Variants in PHF6 observed in about 807,000 individuals in gnomAD.
PHF6 encodes PHD finger protein 6.
A neutral mutation model predicts 34.0 loss-of-function variants in PHF6; 7 were observed. The ratio of observed to expected loss-of-function variants is 0.21; its 90% CI spans 0.12 to 0.39. The LOEUF (loss-of-function observed/expected upper bound fraction) is 0.39, where lower values mean the gene tolerates loss of function less well. PHF6 is among the 10% of genes least tolerant of loss of function. The probability of loss-of-function intolerance (pLI) is 1.00; values close to 1 mark genes in which losing one functional copy is unlikely to be tolerated. For missense variants in PHF6, 128 were observed against 262.8 expected (o/e 0.49, Z 3.55); for synonymous variants, 89 against 88.4 (o/e 1.01, Z -0.04).
chrX:134,414,480 T>G (rs1426892104), intron 7 of PHF6, among the ~76,000 whole-genome samples: 1 of 111,761 alleles, frequency 8.9e-6, no homozygotes, highest in Non-Finnish European at 1.9e-5. Context: ...TATCTTTGAC[T>G]TAGATTGTAT....
At position 134,377,686 on chromosome X, in the gene PHF6, T is replaced by C. The variant is rs1231826518; in HGVS notation, c.69T>C (p.Asn23=). The change falls in exon 2 of 11, where the codon AAT becomes AAC. Residue 23 remains asparagine (N), a synonymous_variant. Transcript: ENST00000370803. ...GCAAATGTGGCTTTTGTAAGTCAAA[T>C]AGAGACAAGGAATGTGGACAGTTAC... ...RQRKCGFCKS[N]RDKECGQLLI... is the part of the protein sequence containing the mutation. 1.7e-6 allele frequency: 2 copies of C among 1,209,975 alleles called. No homozygotes were observed.
chrX:134,378,201 GTA>G lies in PHF6; in HGVS notation c.240+98_240+99del, dbSNP rs1445128031. On this transcript the variant is annotated intron_variant, in intron 3 of 10. Transcript: ENST00000370803. ...TAGAGTGTATTGCATTATTAACTGAGTATAATTTTAAATTGCAGGCTTTTCTT... is the reference window on the plus strand; with the variant it reads ...TAGAGTGTATTGCATTATTAACTGAGTAATTTTAAATTGCAGGCTTTTCTT... 1.0e-5 allele frequency: 5 copies of G among 478,587 alleles called. No individual in the cohort carries two copies. The East Asian group carries it at 2.3e-4, about 22-fold the overall frequency. 39.4% of individuals were successfully genotyped at this position (478,587 alleles called of 1,213,427 possible). A position where few individuals can be genotyped will look rare whatever the true frequency, so the allele number is the denominator to read the frequency against.
At chrX:134,406,386 G>A (rs192271737) in intron 5 of PHF6, among the ~76,000 whole-genome samples, 287 of 111,808 alleles carry the variant, frequency 2.6e-3, no homozygotes, top group African/African-American at 8.6e-3. Context: ...GACCTAGTAA[G>A]TGGCAATTTC....
intron 5 of PHF6, among the ~76,000 whole-genome samples, chrX:134,402,030 C>G (rs1291686551): frequency 9.0e-6 from 1 of 111,707 alleles, no homozygotes; most frequent in African/African-American, 3.3e-5. Context: ...GAGTCTCATT[C>G]TGTTGCCCGG....
At chrX:134,418,929 A>T (rs2077481647) in intron 9 of PHF6, 1 of 107,478 alleles carries the variant, frequency 9.3e-6, no homozygotes, top group Non-Finnish European at 1.9e-5. Flanking sequence ...TGCAGCCTTG[A>T]CCTTCTGCCC....
At chrX:134,381,306 A>G (rs2077306308) in intron 3 of PHF6, among the ~76,000 whole-genome samples, 2 of 110,989 alleles carry the variant, frequency 1.8e-5, no homozygotes, top group African/African-American at 6.6e-5. Flanking sequence ...TCATTATATC[A>G]TTTTTACATG....
At chrX:134,406,056 TTTTCTTTTTCTTTC>T (rs1259133845) in intron 5 of PHF6, among the ~76,000 whole-genome samples, 138 of 92,813 alleles carry the variant, frequency 1.5e-3, no homozygotes, top group African/African-American at 5.4e-3. Flanking sequence ...TGCCTGTCCT[TTTTCTTTTTCTTTC>T]TTTCTTTCTT....
In PHF6 at chrX:134,393,936, T is replaced by C. The variant is rs749483275; in HGVS notation, c.402T>C (p.Thr134=). 2.5e-6 allele frequency: 3 copies of C among 1,211,060 alleles called. No homozygotes were observed. Among genetic ancestry groups the C allele is most frequent in the Non-Finnish European group, 3.4e-6 (3 of 895,036 alleles). Residue 134 remains threonine, a synonymous_variant, in exon 5 of 11, where the codon ACT becomes ACC. Coordinates refer to ENST00000370803, the MANE Select transcript of PHF6 (RefSeq NM_001015877.2). ...TCTATTGCCGAAAACACAAGAAAAC[T>C]GCACATAACTCCGAAGGTACATCAT... ...YMVYCRKHKK[T]AHNSEADLEE...
chrX:134,425,414 G>A, intron 10 of PHF6, 84 bp downstream of exon 10: 1 of 1,090,269 alleles, frequency 9.2e-7, no homozygotes, highest in South Asian at 1.9e-5. Flanking sequence ...TATGCAGTAA[G>A]ATTTTTTTTA....
chrX:134,376,289 TC>T (rs2077278001), intron 1 of PHF6, among the ~76,000 whole-genome samples: 1 of 112,138 alleles, frequency 8.9e-6, no homozygotes, highest in African/African-American at 3.2e-5. Flanking sequence ...CAATTTTTTT[TC>T]AACATAGTAT....
In PHF6 at chrX:134,413,627, T is replaced by C; in HGVS notation, c.555T>C (p.His185=). ...LSEDTRSTSS[H]GTDEMESSSY... is the part of the protein sequence containing the mutation. ...AAGATACCAGGTCCACATCCTCCCA[T>C]GGAACAGATGAAATGGAAAGTAGTT... is the stretch of plus-strand genomic sequence containing the variant. The change falls in exon 6 of 11, where the codon CAT becomes CAC. Residue 185 remains histidine (H), a synonymous_variant. Transcript: ENST00000370803. The C allele has an allele frequency of 8.3e-7, 1 of 1,211,270 alleles. No homozygotes were observed. Among genetic ancestry groups the C allele is most frequent in the Non-Finnish European group, 1.1e-6 (1 of 895,298 alleles).
intron 8 of PHF6, among the ~76,000 whole-genome samples, chrX:134,415,961 TA>T (rs1181947549): frequency 9.1e-6 from 1 of 110,243 alleles, no homozygotes. Context: ...GTTTATTTTT[TA>T]TTTTTTTATT....
intron 5 of PHF6, among the ~76,000 whole-genome samples, chrX:134,413,052 C>T (rs1057440532): frequency 3.6e-5 from 4 of 111,854 alleles, no homozygotes; most frequent in East Asian, 5.6e-4. Flanking sequence ...TCTTGCAGTG[C>T]GGTCAGTGTG....
chrX:134,380,514 G>A (rs1266573024), intron 3 of PHF6, among the ~76,000 whole-genome samples: 1 of 111,680 alleles, frequency 9.0e-6, no homozygotes, highest in Non-Finnish European at 1.9e-5. Flanking sequence ...TAGTGTTATA[G>A]TGTAGGGAGA....
rs769187288 is a variant in PHF6 at position 134,416,441 on chromosome X, G to A, written c.835-728G>A. ...GAGGATTGGGGTAAACACTAACCTAGCATTTCCCCCAAGTGTGCTCCAAAG... is the reference window on the plus strand; with the variant it reads ...GAGGATTGGGGTAAACACTAACCTAACATTTCCCCCAAGTGTGCTCCAAAG... On this transcript the variant is annotated intron_variant, in intron 8 of 10. Transcript: ENST00000370803. 2.7e-5 allele frequency among the ~76,000 whole-genome samples: 3 copies of A among 111,223 alleles called. No homozygotes were observed. The South Asian group carries it at 1.2e-3, about 43-fold the overall frequency.
At chrX:134,420,021 A>T (rs2077485366) in intron 9 of PHF6, 1 of 111,573 alleles carries the variant, frequency 9.0e-6, no homozygotes, top group South Asian at 3.8e-4. Flanking sequence ...TCTACACAAC[A>T]TTTAAAAATT....
chrX:134,410,912 G>GC (rs1310134552), intron 5 of PHF6, among the ~76,000 whole-genome samples: 2 of 106,143 alleles, frequency 1.9e-5, no homozygotes, highest in Non-Finnish European at 3.9e-5. Flanking sequence ...CAGCCACTGC[G>GC]CCCGGCCTTT....
intron 5 of PHF6, among the ~76,000 whole-genome samples, chrX:134,408,570 G>T (rs964143477): frequency 1.8e-5 from 2 of 110,755 alleles, no homozygotes; most frequent in Non-Finnish European, 3.8e-5. Flanking sequence ...CTCTGTTCAT[G>T]TTTTTTTGTC....
chrX:134,425,409 A>G, intron 10 of PHF6, 79 bp downstream of exon 10: 2 of 1,112,177 alleles, frequency 1.8e-6, no homozygotes, highest in Non-Finnish European at 2.5e-6. Context: ...AATGGTATGC[A>G]GTAAGATTTT....
Sources: gnomAD v4.1 joint callset for allele counts (sites outside exome capture counted in the v4.1 genomes callset) on GRCh38, gnomAD v4.1.1 for gene constraint, MANE v1.5 for transcripts, NCBI Gene and HGNC (gene_info 2026-07-23, HGNC 2026-07-21) for gene names.